The following CDR2L variants were observed in gnomAD, a reference collection of about 807,000 sequenced individuals.
The protein encoded by CDR2L is cerebellar degeneration related protein 2 like.
CDR2L carries 19 observed loss-of-function variants against 36.1 expected under a neutral mutation model. The observed-to-expected ratio is 0.53, with a 90% confidence interval of 0.37 to 0.77. The LOEUF (loss-of-function observed/expected upper bound fraction) is 0.77, where lower values mean the gene tolerates loss of function less well. CDR2L is among the 30% of genes least tolerant of loss of function. The pLI, the probability that CDR2L is intolerant of heterozygous loss-of-function variation, is 0.00. For synonymous variants in CDR2L, 285 were observed against 280.4 expected (o/e 1.02, Z -0.16); for missense variants, 575 against 627.2 (o/e 0.92, Z 0.89).
chr17:75,003,477 G>A lies in CDR2L; in HGVS notation c.801G>A (p.Pro267=). 1 of 1,567,498 alleles carries A rather than the reference G, an allele frequency of 6.4e-7. No homozygotes were observed. Among genetic ancestry groups the A allele is most frequent in the Non-Finnish European group, 8.6e-7 (1 of 1,157,092 alleles). Residue 267 remains proline (P), a synonymous_variant, in exon 5 of 5, where the codon CCG becomes CCA. Transcript: ENST00000337231. ...AGGCCAAGACCTACCTACTGGGTCC[G>A]GACGACCACCTGGCCGAGGCCCTGC... ...MKQAKTYLLG[P]DDHLAEALLA...
chr17:75,003,178 G>A lies in CDR2L; in HGVS notation c.507-5G>A, dbSNP rs776084536. The stretch of plus-strand genomic sequence containing the variant: ...CACCCCGCTGCGACTCTCACTACCC[G>A]CCAGGTGCAAGGATGCTTTCCGCCT... On this transcript the variant is annotated splice_region_variant and splice_polypyrimidine_tract_variant and intron_variant, in intron 4 of 4. Coordinates refer to ENST00000337231, the MANE Select transcript of CDR2L (RefSeq NM_014603.3). 4.0e-5 allele frequency: 63 copies of A among 1,557,938 alleles called. No homozygotes were observed. Among genetic ancestry groups the A allele is most frequent in the Admixed American group, 5.8e-5 (3 of 51,890 alleles).
chr17:74,988,302 C>T (rs2039776136), intron 1 of CDR2L, among the ~76,000 whole-genome samples, 180 bp downstream of exon 1: 3 of 152,136 alleles, frequency 2.0e-5, no homozygotes, highest in African/African-American at 7.2e-5. Context: ...CCGGAGAAGA[C>T]GCGGACCGGA....
At position 75,004,184 on chromosome 17, in the gene CDR2L, A is replaced by G. The variant is rs1178971954; in HGVS notation, c.*110A>G. Reference sequence around the variant, plus strand: ...CCCTTTAGCGGCCTGCCACCACAGCACGCGGCCTCCTGATCCGGAAGCACG... The same window carrying G: ...CCCTTTAGCGGCCTGCCACCACAGCGCGCGGCCTCCTGATCCGGAAGCACG... On this transcript the variant is annotated 3_prime_UTR_variant, in exon 5 of 5. Transcript: ENST00000337231. The G allele has an allele frequency of 1.1e-6, 1 of 934,798 alleles. No homozygotes were observed. The highest frequency in any genetic ancestry group is 1.6e-6 in the Non-Finnish European group (1 of 633,602). 57.9% of individuals were successfully genotyped at this position (934,798 alleles called of 1,614,324 possible).
intron 1 of CDR2L, among the ~76,000 whole-genome samples, chr17:74,990,537 C>T (rs866204843): frequency 6.6e-6 from 1 of 152,196 alleles, no homozygotes. Context: ...GGCCCAGCAA[C>T]GGGGACAGCA....
chr17:74,992,774 A>AT (rs1348495387), intron 1 of CDR2L, among the ~76,000 whole-genome samples: 2 of 152,144 alleles, frequency 1.3e-5, no homozygotes, highest in African/African-American at 4.8e-5. Context: ...GCCCAAGTCG[A>AT]TTCACTGCCT....
Position 75,003,170 on chromosome 17 carries a change from C to T in CDR2L, c.507-13C>T. On this transcript the variant is annotated splice_polypyrimidine_tract_variant and intron_variant, in intron 4 of 4. Transcript: ENST00000337231. ...TCCGCCCCCACCCCGCTGCGACTCT[C>T]ACTACCCGCCAGGTGCAAGGATGCT... 1.3e-6 allele frequency: 2 copies of T among 1,555,642 alleles called. No homozygotes were observed. The highest frequency in any genetic ancestry group is 1.7e-6 in the Non-Finnish European group (2 of 1,150,618).
chr17:75,003,338 C>G lies in CDR2L; in HGVS notation c.662C>G (p.Thr221Ser). The change falls in exon 5 of 5, where the codon ACC (threonine) becomes AGC (serine). Residue 221 changes from threonine (T) to serine (S), a missense_variant. Coordinates refer to ENST00000337231, the MANE Select transcript of CDR2L (RefSeq NM_014603.3). ...AAGGAGCGGGCGGAGCGCGAGTACA[C>G]CGCGGTGCTGCAGGAGTACTCGGAG... ...QRKERAEREY[T>S]AVLQEYSELE... The G allele has an allele frequency of 6.4e-7, 1 of 1,556,070 alleles. No homozygotes were observed. The highest frequency in any genetic ancestry group is 1.9e-5 in the Admixed American group (1 of 51,444).
chr17:74,988,226 C>T, intron 1 of CDR2L, 104 bp downstream of exon 1: 2 of 752,534 alleles, frequency 2.7e-6, no homozygotes, highest in Non-Finnish European at 4.0e-6. Context: ...CTGGGCTGGA[C>T]CGGGCGCGCC....
At chr17:74,993,912 C>A (rs1308448379) in intron 1 of CDR2L, among the ~76,000 whole-genome samples, 1 of 152,180 alleles carries the variant, frequency 6.6e-6, no homozygotes, top group Non-Finnish European at 1.5e-5. Context: ...CGGATTTGTT[C>A]CTGTGGGGCA....
intron 2 of CDR2L, among the ~76,000 whole-genome samples, chr17:75,000,452 G>A (rs1293745688): frequency 1.0e-4 from 15 of 149,800 alleles, no homozygotes; most frequent in South Asian, 6.4e-4. Flanking sequence ...GCCCACCACC[G>A]CACCCGGTTA....
chr17:75,001,478 G>T lies in CDR2L; in HGVS notation c.330G>T (p.Gln110His). Reference protein sequence around the residue: ...RLVLESKAAQQKIHGLTETIE... With the variant: ...RLVLESKAAQHKIHGLTETIE... ...TGCTGGAGAGTAAGGCTGCCCAGCA[G>T]AAGATCCATGGGTGAGGGCCCGGCT... is the stretch of plus-strand genomic sequence containing the variant. Residue 110 changes from glutamine (Q) to histidine (H), a missense_variant, in exon 3 of 5, where the codon CAG becomes CAT. Transcript: ENST00000337231. 6.4e-7 allele frequency: 1 copy of T among 1,571,098 alleles called. No homozygotes were observed. The highest frequency in any genetic ancestry group is 1.9e-5 in the Admixed American group (1 of 51,912).
chr17:75,001,508 G>T lies in CDR2L; in HGVS notation c.341+19G>T. On this transcript the variant is annotated intron_variant, in intron 3 of 4. Transcript: ENST00000337231. ...TCCATGGGTGAGGGCCCGGCTGAGG[G>T]CTGGGGGGCGGGCGAGGGAGAGCCC... 1 of 1,517,364 alleles carries T rather than the reference G, an allele frequency of 6.6e-7. No individual in the cohort carries two copies. The highest frequency in any genetic ancestry group is 1.4e-5 in the African/African-American group (1 of 72,024). The allele number at this position is 1,517,364 out of a possible 1,614,324, so 94.0% of individuals were successfully genotyped here. A position where few individuals can be genotyped will look rare whatever the true frequency, so the allele number is the denominator to read the frequency against.
At chr17:74,992,151 C>A (rs2039800957) in intron 1 of CDR2L, among the ~76,000 whole-genome samples, 1 of 152,096 alleles carries the variant, frequency 6.6e-6, no homozygotes, top group Non-Finnish European at 1.5e-5. Flanking sequence ...TTTGCTGAGT[C>A]TCTGCTCTGG....
chr17:75,002,223 C>G lies in CDR2L; in HGVS notation c.501C>G (p.Ser167Arg). The G allele has an allele frequency of 1.9e-6, 3 of 1,606,788 alleles. No individual in the cohort carries two copies. In the South Asian group the frequency reaches 3.4e-5, roughly 18 times the overall value. ...CCTGCCTCAAGGAGCTGTGCACCAGCCCCCGGTAGGTGAGAGCACTGCTTG... is the reference window on the plus strand; with the variant it reads ...CCTGCCTCAAGGAGCTGTGCACCAGGCCCCGGTAGGTGAGAGCACTGCTTG... ...TFPCLKELCT[S>R]PRCKDAFRLH... The change falls in exon 4 of 5, where the codon AGC (serine) becomes AGG (arginine). Residue 167 changes from serine (S) to arginine (R), a missense_variant. Transcript: ENST00000337231. The surrounding 1 kb of genome is among the most constrained non-coding windows in gnomAD (Gnocchi z 4.1).
chr17:74,991,106 A>C (rs1274296805), intron 1 of CDR2L, among the ~76,000 whole-genome samples: 1 of 152,198 alleles, frequency 6.6e-6, no homozygotes, highest in Non-Finnish European at 1.5e-5. Flanking sequence ...AGCATTTATA[A>C]AAATAGAAAA....
intron 1 of CDR2L, among the ~76,000 whole-genome samples, chr17:74,997,871 C>A (rs1197071569): frequency 2.2e-5 from 3 of 139,398 alleles, no homozygotes; most frequent in African/African-American, 8.2e-5. Flanking sequence ...ATTAGCCGGG[C>A]GTGGTAGTGG....
intron 1 of CDR2L, among the ~76,000 whole-genome samples, chr17:74,999,135 A>C (rs1202077013): frequency 6.6e-6 from 1 of 152,238 alleles, no homozygotes; most frequent in East Asian, 1.9e-4. Context: ...GAGAAGGTGC[A>C]CTGCCTTCCA....
Position 75,001,321 on chromosome 17 carries a change from C to T in CDR2L, c.193-20C>T. ...CCCTGCCCAATTCTAAAAAGTTACT[C>T]AATGTCCTTCCACCCCCAGTACCTA... On this transcript the variant is annotated intron_variant, in intron 2 of 4. Transcript: ENST00000337231. The T allele has an allele frequency of 6.3e-7, 1 of 1,584,114 alleles. No homozygotes were observed. Among genetic ancestry groups the T allele is most frequent in the Non-Finnish European group, 8.6e-7 (1 of 1,166,848 alleles).
At chr17:74,993,668 T>C (rs888098950) in intron 1 of CDR2L, among the ~76,000 whole-genome samples, 11 of 152,244 alleles carry the variant, frequency 7.2e-5, no homozygotes, top group African/African-American at 2.7e-4. Flanking sequence ...AGTTCTTACC[T>C]ATGATTTACA....
Sources: allele counts gnomAD v4.1 joint callset (sites outside exome capture counted in the v4.1 genomes callset), GRCh38; gene constraint gnomAD v4.1.1; non-coding constraint Gnocchi (gnomAD v3.1); transcripts MANE v1.5; gene names NCBI Gene and HGNC (gene_info 2026-07-23, HGNC 2026-07-21).